Variants in TCOF1 observed in about 807,000 individuals in gnomAD.
TCOF1 encodes the protein treacle ribosome biogenesis factor 1, also known as treacle protein.
In TCOF1, 33 loss-of-function variants were observed where a neutral mutation model predicts 149.0. The ratio of observed to expected loss-of-function variants is 0.22; its 90% CI spans 0.17 to 0.30. The LOEUF is 0.30. Ranked by LOEUF, TCOF1 falls within the 10% of genes least tolerant of loss-of-function variation. The probability of loss-of-function intolerance (pLI) is 1.00; values close to 1 mark genes in which losing one functional copy is unlikely to be tolerated. For synonymous variants in TCOF1, 789 were observed against 738.8 expected, an observed-to-expected ratio of 1.07 and a Z score of -1.10; for missense variants, 1,728 against 1,840.7, an observed-to-expected ratio of 0.94 and a Z score of 1.12.
chr5:150,398,901 G>T, intron 25 of TCOF1, 121 bp from the exon 26 acceptor site: 2 of 1,392,728 alleles, frequency 1.4e-6, no homozygotes, highest in Non-Finnish European at 1.0e-6. Context: ...CTCTGCCCTT[G>T]GAGGTCGCTG....
intron 17 of TCOF1, chr5:150,380,033 C>T (rs1423487890): frequency 2.6e-6 from 1 of 388,468 alleles, no homozygotes; most frequent in Non-Finnish European, 4.9e-6. Flanking sequence ...GATCATGCCA[C>T]TGCACTCCAG....
Position 150,374,323 on chromosome 5 carries a change from G to C in TCOF1, c.1020G>C (p.Glu340Asp). 1 of 1,574,376 alleles carries C rather than the reference G, an allele frequency of 6.4e-7. No homozygotes were observed. Among genetic ancestry groups the C allele is most frequent in the Non-Finnish European group, 8.6e-7 (1 of 1,159,060 alleles). ...CAGGGAAGCCAGAGGAGGACTCAGAGAGCAGCAGCGAGGAGTCATCTGACA... is the reference window on the plus strand; with the variant it reads ...CAGGGAAGCCAGAGGAGGACTCAGACAGCAGCAGCGAGGAGTCATCTGACA... ...TKAGKPEEDSESSSEESSDSE... is the reference protein window; with the variant it reads ...TKAGKPEEDSDSSSEESSDSE... The change falls in exon 8 of 27, where the codon GAG becomes GAC. Residue 340 changes from glutamate to aspartate, a missense_variant. This residue lies in a region of TCOF1 where 1,696 missense variants were observed against 1,765.4 expected (regional missense o/e 0.96). Coordinates refer to ENST00000643257, the MANE Select transcript of TCOF1 (RefSeq NM_001371623.1).
intron 17 of TCOF1, among the ~76,000 whole-genome samples, chr5:150,382,708 G>A (rs1427939392): frequency 6.6e-6 from 1 of 152,262 alleles, no homozygotes; most frequent in Non-Finnish European, 1.5e-5. Flanking sequence ...ACAACCGGAG[G>A]TGAGCTGTGC....
intron 6 of TCOF1, among the ~76,000 whole-genome samples, chr5:150,370,730 G>T (rs1020023620): frequency 1.3e-5 from 2 of 152,162 alleles, no homozygotes; most frequent in Admixed American, 1.3e-4. Flanking sequence ...ACTCTGGGAG[G>T]CCAAGGCAGG....
intron 2 of TCOF1, among the ~76,000 whole-genome samples, chr5:150,361,675 A>C (rs1760123329): frequency 6.6e-6 from 1 of 152,214 alleles, no homozygotes; most frequent in Admixed American, 6.5e-5. Context: ...ACAGCCACAT[A>C]AATGGGTAAG....
intron 26 of TCOF1, 86 bp from the exon 27 acceptor site, chr5:150,399,724 C>G (rs942999743): frequency 1.9e-5 from 3 of 154,238 alleles, no homozygotes; most frequent in Non-Finnish European, 2.9e-5. Flanking sequence ...ATGCCTCCCC[C>G]CTGCATTGGA....
chr5:150,365,256 T>TC (rs1308883702), intron 3 of TCOF1, among the ~76,000 whole-genome samples: 85 of 139,030 alleles, frequency 6.1e-4, no homozygotes, highest in African/African-American at 2.4e-3. Flanking sequence ...TTTCTTTCTT[T>TC]TTTTTTTTTT....
intron 8 of TCOF1, 55 bp from the exon 9 acceptor site, chr5:150,374,560 CTG>C: frequency 6.2e-7 from 1 of 1,609,800 alleles, no homozygotes; most frequent in Non-Finnish European, 8.5e-7. Flanking sequence ...ACGTGGTGTC[CTG>C]TGTCTCCTCA....
chr5:150,396,575 C>G lies in TCOF1; in HGVS notation c.4078C>G (p.Pro1360Ala), dbSNP rs745345915. 3 of 1,582,124 alleles carry G rather than the reference C, an allele frequency of 1.9e-6. No individual in the cohort carries two copies. Among genetic ancestry groups the G allele is most frequent in the Non-Finnish European group, 2.6e-6 (3 of 1,163,756 alleles). The change falls in exon 24 of 27, where the codon CCC (proline) becomes GCC (alanine). Residue 1360 changes from proline (P) to alanine (A), a missense_variant. Pro to Ala is a conservative substitution (Grantham distance 27). This residue lies in a region of TCOF1 where 1,696 missense variants were observed against 1,765.4 expected (regional missense o/e 0.96). Coordinates refer to ENST00000643257, the MANE Select transcript of TCOF1 (RefSeq NM_001371623.1). ...LSGDQPAART[P>A]RSKKKKKLGA... ...GGGAGACCAGCCAGCTGCCAGGACC[C>G]CCAGGAGCAAGAAGAAGAAGAAGCT... is the stretch of plus-strand genomic sequence containing the variant.
intron 23 of TCOF1, chr5:150,393,822 T>TG: frequency 2.0e-6 from 1 of 489,406 alleles, no homozygotes; most frequent in South Asian, 2.1e-5. Flanking sequence ...AAGGCCAGCC[T>TG]GGGCAACACA....
At chr5:150,398,492 C>T (rs1162260715) in intron 25 of TCOF1, 41 bp downstream of exon 25, 1 of 1,613,366 alleles carries the variant, frequency 6.2e-7, no homozygotes, top group East Asian at 2.2e-5. Flanking sequence ...AAAACAGACC[C>T]AAACCCAAGC....
chr5:150,391,642 C>G lies in TCOF1; in HGVS notation c.3282C>G (p.Thr1094=), dbSNP rs758933546. The G allele has an allele frequency of 1.4e-5, 22 of 1,613,950 alleles. No individual in the cohort carries two copies. The Admixed American group carries it at 3.2e-4, about 23-fold the overall frequency. The change falls in exon 20 of 27, where the codon ACC becomes ACG. Residue 1094 remains threonine (T), a synonymous_variant. Coordinates refer to ENST00000643257, the MANE Select transcript of TCOF1 (RefSeq NM_001371623.1). ...AGGCTCAGCCTCCTGTTGCCAGGAC[C>G]CAGCCTTCAAGTGGGGTGAGCTTGG... ...ASEAQPPVAR[T]QPSSGVDSAV...
chr5:150,397,338 C>T (rs1768796483), intron 24 of TCOF1, among the ~76,000 whole-genome samples: 1 of 152,042 alleles, frequency 6.6e-6, no homozygotes, highest in Non-Finnish European at 1.5e-5. Flanking sequence ...GAACCTGCTT[C>T]TCCAGCCAGC....
In TCOF1 at chr5:150,392,716, C is replaced by T. The variant is rs1181503574; in HGVS notation, c.3529C>T (p.Pro1177Ser). The T allele has an allele frequency of 3.7e-6, 6 of 1,614,030 alleles. No homozygotes were observed. Among genetic ancestry groups the T allele is most frequent in the Non-Finnish European group, 5.1e-6 (6 of 1,179,982 alleles). The change falls in exon 22 of 27, where the codon CCC (proline) becomes TCC (serine). Residue 1177 changes from proline (P) to serine (S), a missense_variant. By Grantham distance (74) the Pro-to-Ser change is moderately conservative. Transcript: ENST00000643257. ...KSAHTLVGPT[P>S]SRTETLVEET... ...CTGTGCTTCTCCAGTAGGTCCCACC[C>T]CCTCCAGGACAGAGACCCTGGTGGA... is the stretch of plus-strand genomic sequence containing the variant.
rs1263959106 is a variant in TCOF1 at position 150,383,290 on chromosome 5, C to T, written c.2859+3558C>T. Reference sequence around the variant, plus strand: ...CTCGCCATATTTAAACAGCACCTCACAGCTTCCAGAGCTCTTTCCTCTATT... The same window carrying T: ...CTCGCCATATTTAAACAGCACCTCATAGCTTCCAGAGCTCTTTCCTCTATT... On this transcript the variant is annotated intron_variant, in intron 17 of 26. Transcript: ENST00000643257. 9.8e-6 allele frequency: 8 copies of T among 816,990 alleles called. No homozygotes were observed. The Admixed American group carries it at 1.9e-4, about 20-fold the overall frequency. The allele number at this position is 816,990 out of a possible 1,614,324, so 50.6% of individuals were successfully genotyped here.
intron 19 of TCOF1, among the ~76,000 whole-genome samples, chr5:150,390,310 TC>T (rs1767149559): frequency 6.6e-6 from 1 of 152,230 alleles, no homozygotes; most frequent in South Asian, 2.1e-4. Flanking sequence ...TGATTTTTTT[TC>T]TTCCAGTTTT....
intron 26 of TCOF1, 33 bp downstream of exon 26, chr5:150,399,103 G>A (rs1375041539): frequency 1.2e-6 from 2 of 1,613,838 alleles, no homozygotes; most frequent in Admixed American, 1.7e-5. Flanking sequence ...AGCATTCAGG[G>A]TGGGAGGACA....
chr5:150,369,640 G>A, intron 6 of TCOF1, 38 bp downstream of exon 6: 2 of 1,610,006 alleles, frequency 1.2e-6, no homozygotes, highest in African/African-American at 1.3e-5. Flanking sequence ...CCCTCTCCCA[G>A]CCTCTAACCC....
intron 23 of TCOF1, 151 bp from the exon 24 acceptor site, chr5:150,396,131 T>A: frequency 1.2e-6 from 1 of 845,900 alleles, no homozygotes; most frequent in South Asian, 1.5e-5. Context: ...GGAGACCAGC[T>A]GGGGCAGAGT....
Sources: allele counts gnomAD v4.1 joint callset (sites outside exome capture counted in the v4.1 genomes callset), GRCh38; gene constraint gnomAD v4.1.1; regional missense constraint gnomAD v4.1.1; transcripts MANE v1.5; gene names NCBI Gene and HGNC (gene_info 2026-07-23, HGNC 2026-07-21).